MLXIPL: variants seen among roughly 807,000 people sequenced by gnomAD.
MLXIPL encodes the protein MLX interacting protein like, also known as carbohydrate-responsive element-binding protein.
A neutral mutation model predicts 81.5 loss-of-function variants in MLXIPL; 49 were observed. That is an observed-to-expected ratio of 0.60 (90% CI 0.48 to 0.76). The LOEUF (loss-of-function observed/expected upper bound fraction) is 0.76. MLXIPL is among the 30% of genes least tolerant of loss of function. MLXIPL has a pLI of 0.00. For synonymous variants in MLXIPL, 466 were observed against 485.5 expected (o/e 0.96, Z 0.53); for missense variants, 1,053 against 1,167.0 (o/e 0.90, Z 1.42).
intron 8 of MLXIPL, among the ~76,000 whole-genome samples, chr7:73,599,309 A>G (rs1794596048): frequency 1.3e-5 from 2 of 151,506 alleles, no homozygotes; most frequent in Non-Finnish European, 1.5e-5. Flanking sequence ...AGCCCATTCC[A>G]TGGTCTCCAT....
At position 73,596,884 on chromosome 7, in the gene MLXIPL, A is replaced by G; in HGVS notation, c.1652T>C (p.Leu551Pro). The G allele has an allele frequency of 6.2e-7, 1 of 1,611,366 alleles. No homozygotes were observed. Among genetic ancestry groups the G allele is most frequent in the Non-Finnish European group, 8.5e-7 (1 of 1,179,672 alleles). Reference protein sequence around the residue: ...LEPPLVSSTLLRSPGSPQETV... With the variant: ...LEPPLVSSTLPRSPGSPQETV... ...TCTTACCGGGGACCCTGGGGACCGGAGGAGGGTGCTGGATACAAGTGGTGG... is the reference window on the plus strand; with the variant it reads ...TCTTACCGGGGACCCTGGGGACCGGGGGAGGGTGCTGGATACAAGTGGTGG... Residue 551 changes from leucine (L) to proline (P), a missense_variant, in exon 10 of 17, where the codon CTC (leucine) becomes CCC (proline). Coordinates refer to ENST00000313375, the MANE Select transcript of MLXIPL (RefSeq NM_032951.3). The surrounding 1 kb of genome is among the most constrained non-coding windows in gnomAD (Gnocchi z 4.7).
chr7:73,603,473 C>T (rs577489500), intron 7 of MLXIPL, among the ~76,000 whole-genome samples: 1 of 152,308 alleles, frequency 6.6e-6, no homozygotes, highest in Admixed American at 6.5e-5. Flanking sequence ...GCCATGCACA[C>T]TTCTGCCCCT....
chr7:73,632,640 C>CT, the MLXIPL span, among the ~76,000 whole-genome samples: 2 of 152,192 alleles, frequency 1.3e-5, no homozygotes, highest in African/African-American at 4.8e-5. Flanking sequence ...CAGTCTGGGG[C>CT]TTGTCACAGA....
At chr7:73,606,728 GTCCC>G in intron 5 of MLXIPL, 1 of 526,474 alleles carries the variant, frequency 1.9e-6, no homozygotes, top group South Asian at 2.0e-5. Flanking sequence ...GCCCGGCCTG[GTCCC>G]TCTGTTCTCC....
intron 7 of MLXIPL, among the ~76,000 whole-genome samples, chr7:73,602,158 TC>T (rs1393870152): frequency 4.7e-5 from 7 of 148,092 alleles, no homozygotes; most frequent in African/African-American, 1.5e-4. Context: ...CTTCCTTCCT[TC>T]CTTCCTTTCT....
the MLXIPL span, among the ~76,000 whole-genome samples, chr7:73,637,761 T>A: frequency 6.6e-6 from 1 of 152,276 alleles, no homozygotes; most frequent in Middle Eastern, 3.4e-3. Context: ...TAGGCTGAGC[T>A]GGGGTGTGGG....
chr7:73,629,399 C>T (rs948842300), upstream of MLXIPL, among the ~76,000 whole-genome samples: 13 of 152,072 alleles, frequency 8.5e-5, no homozygotes, highest in Admixed American at 3.9e-4. Flanking sequence ...ACAGTGATGA[C>T]GCACGTGCTT....
the MLXIPL span, among the ~76,000 whole-genome samples, chr7:73,647,011 G>A: frequency 6.6e-6 from 1 of 152,150 alleles, no homozygotes; most frequent in South Asian, 2.1e-4. Flanking sequence ...CCACACGAGT[G>A]GCCCAGGAAC....
chr7:73,619,403 G>A (rs1263669076), intron 1 of MLXIPL, among the ~76,000 whole-genome samples: 2 of 151,330 alleles, frequency 1.3e-5, no homozygotes, highest in Non-Finnish European at 2.9e-5. Context: ...GGAGTTTGCA[G>A]TGAGCCGAGA....
At chr7:73,639,559 G>A in the MLXIPL span, among the ~76,000 whole-genome samples, 1 of 151,792 alleles carries the variant, frequency 6.6e-6, no homozygotes, top group African/African-American at 2.4e-5. Context: ...CAGGAGGATC[G>A]TCTGAGCTCA....
chr7:73,624,436 G>C lies in MLXIPL; in HGVS notation c.57C>G (p.Pro19=). ...AAGLQVPRVA[P]SPDSDSDTDS... Reference sequence around the variant, plus strand: ...CTGTGTCCGAGTCCGAGTCTGGGCTGGGCGCGACCCGCGGGACCTGCAAGC... The same window carrying C: ...CTGTGTCCGAGTCCGAGTCTGGGCTCGGCGCGACCCGCGGGACCTGCAAGC... The change falls in exon 1 of 17, where the codon CCC becomes CCG. Residue 19 remains proline, a synonymous_variant. Transcript: ENST00000313375. 6.4e-7 allele frequency: 1 copy of C among 1,557,924 alleles called. No individual in the cohort carries two copies. The highest frequency in any genetic ancestry group is 8.6e-7 in the Non-Finnish European group (1 of 1,159,422).
Position 73,597,460 on chromosome 7 carries a change from G to A in MLXIPL, c.1325C>T (p.Pro442Leu). The A allele has an allele frequency of 7.0e-7, 1 of 1,424,386 alleles. No homozygotes were observed. The highest frequency in any genetic ancestry group is 9.2e-7 in the Non-Finnish European group (1 of 1,085,450). The allele number at this position is 1,424,386 out of a possible 1,614,324, so 88.2% of individuals were successfully genotyped here. ...AGGCAGCGGAGACACTCCTGGGGCA[G>A]GAGGGACGGTGGGGAAGGGAAACCT... ...SPRFPFPTVP[P>L]APGVSPLPAP... The change falls in exon 9 of 17, where the codon CCT (proline) becomes CTT (leucine). Residue 442 changes from proline (P) to leucine (L), a missense_variant. Physicochemically the swap from Pro to Leu is moderately conservative, Grantham distance 98. This residue lies in a region of MLXIPL where 823 missense variants were observed against 933.0 expected (regional missense o/e 0.88). Transcript: ENST00000313375.
At position 73,596,609 on chromosome 7, in the gene MLXIPL, T is replaced by C. The variant is rs781972304; in HGVS notation, c.1822+30A>G. The stretch of plus-strand genomic sequence containing the variant: ...CTCCTCTTCCCCTCATCCCCTAGAT[T>C]CCCCCAATCCCTGCAACCCCTCTCT... On this transcript the variant is annotated intron_variant, in intron 11 of 16. Transcript: ENST00000313375. This position sits in a 1 kb window ranked among gnomAD's most constrained non-coding sequence, Gnocchi z 4.7. 1.2e-6 allele frequency: 2 copies of C among 1,603,664 alleles called. No homozygotes were observed. Among genetic ancestry groups the C allele is most frequent in the East Asian group, 4.5e-5 (2 of 44,642 alleles).
At chr7:73,638,129 C>T in the MLXIPL span, among the ~76,000 whole-genome samples, 2 of 152,164 alleles carry the variant, frequency 1.3e-5, no homozygotes, top group African/African-American at 4.8e-5. Flanking sequence ...AACCACCAGT[C>T]TCTGCCTGGC....
intron 1 of MLXIPL, among the ~76,000 whole-genome samples, chr7:73,617,008 G>A (rs1389407296): frequency 6.6e-6 from 1 of 151,170 alleles, no homozygotes; most frequent in Admixed American, 6.6e-5. Context: ...GTTTGGTTTG[G>A]TTTTTTTTGG....
chr7:73,631,224 A>C, the MLXIPL span, among the ~76,000 whole-genome samples: 1 of 151,924 alleles, frequency 6.6e-6, no homozygotes, highest in Non-Finnish European at 1.5e-5. Flanking sequence ...GTTAGCCAGG[A>C]TGGTCTTGAT....
chr7:73,614,254 G>A (rs782678461), intron 2 of MLXIPL, among the ~76,000 whole-genome samples: 189 of 152,070 alleles, frequency 1.2e-3, no homozygotes, highest in African/African-American at 3.8e-3. Context: ...CCCCCCCACC[G>A]CCATAATTTG....
At chr7:73,636,889 G>A in the MLXIPL span, among the ~76,000 whole-genome samples, 43 of 151,980 alleles carry the variant, frequency 2.8e-4, 1 homozygote, top group Admixed American at 2.3e-3. Context: ...GTGAAACCCC[G>A]TCTCTACTAA....
intron 15 of MLXIPL, 39 bp from the exon 16 acceptor site, chr7:73,594,442 TC>T: frequency 6.3e-7 from 1 of 1,598,578 alleles, no homozygotes; most frequent in Non-Finnish European, 8.5e-7. Flanking sequence ...GTCCAGCTGG[TC>T]CCCCCACACC....
Sources: gnomAD v4.1 joint callset for allele counts (sites outside exome capture counted in the v4.1 genomes callset) on GRCh38, gnomAD v4.1.1 for gene constraint, gnomAD v4.1.1 regional missense constraint, Gnocchi (gnomAD v3.1) non-coding constraint, MANE v1.5 for transcripts, NCBI Gene and HGNC (gene_info 2026-07-23, HGNC 2026-07-21) for gene names.